Variants in ZBTB20 observed in about 807,000 individuals in gnomAD.
The protein encoded by ZBTB20 is zinc finger and BTB domain-containing protein 20.
In ZBTB20, 9 loss-of-function variants were observed where a neutral mutation model predicts 56.9. The ratio of observed to expected loss-of-function variants is 0.16; its 90% confidence interval spans 0.10 to 0.28. The LOEUF (loss-of-function observed/expected upper bound fraction) is 0.28, where lower values mean the gene tolerates loss of function less well. Ranked by LOEUF, ZBTB20 falls within the 10% of genes least tolerant of loss-of-function variation. The pLI is 1.00. For missense variants in ZBTB20, 655 were observed against 1,003.0 expected (o/e 0.65, Z 4.69); for synonymous variants, 417 against 420.7 (o/e 0.99, Z 0.11).
At chr3:114,554,005 A>G (rs1339843465) in intron 6 of ZBTB20, among the ~76,000 whole-genome samples, 1 of 152,192 alleles carries the variant, frequency 6.6e-6, no homozygotes, top group East Asian at 1.9e-4. Context: ...AAATTGTAAT[A>G]TCATATAGAC....
chr3:115,109,573 A>G (rs535646911), intron 1 of ZBTB20, among the ~76,000 whole-genome samples: 1 of 152,308 alleles, frequency 6.6e-6, no homozygotes, highest in Non-Finnish European at 1.5e-5. Flanking sequence ...AGGCCCAAAG[A>G]CACAGACCTA....
chr3:114,340,590 T>A (rs2079684588), intron 11 of ZBTB20, among the ~76,000 whole-genome samples: 1 of 152,192 alleles, frequency 6.6e-6, no homozygotes. Context: ...GTCCGTGACA[T>A]CTCTTTAAGA....
intron 6 of ZBTB20, among the ~76,000 whole-genome samples, chr3:114,506,116 A>C (rs1469590620): frequency 1.3e-5 from 2 of 152,148 alleles, no homozygotes; most frequent in Non-Finnish European, 2.9e-5. Context: ...TATAAATGCC[A>C]CAAATGGTCA....
intron 1 of ZBTB20, among the ~76,000 whole-genome samples, chr3:115,083,184 A>G (rs1253118377): frequency 1.3e-5 from 2 of 151,948 alleles, no homozygotes; most frequent in African/African-American, 4.8e-5. Context: ...TCATACATAT[A>G]CTCCATCAAT....
Position 114,569,615 on chromosome 3 carries a change from A to G in ZBTB20, c.-294-69224T>C, listed in dbSNP as rs192136860. On this transcript the variant is annotated intron_variant, in intron 6 of 11. Coordinates refer to ENST00000675478, the MANE Select transcript of ZBTB20 (RefSeq NM_001348800.3). ...ATGGCGGTCATTCCACACTGAGCCA[A>G]CCTAACTAAAGAGGTGTTGATGTCC... 2.2e-3 allele frequency among the ~76,000 whole-genome samples: 330 copies of G among 152,324 alleles called. 1 individual carries two copies. Among genetic ancestry groups the G allele is most frequent in the Non-Finnish European group, 3.8e-3 (259 of 68,028 alleles).
chr3:114,979,755 G>A (rs1386536295), intron 2 of ZBTB20, among the ~76,000 whole-genome samples: 1 of 151,998 alleles, frequency 6.6e-6, no homozygotes, highest in African/African-American at 2.4e-5. Context: ...TTCAAAGACT[G>A]GAAAAGCTTT....
chr3:114,903,324 T>G (rs1029066787), intron 3 of ZBTB20, among the ~76,000 whole-genome samples: 4 of 152,102 alleles, frequency 2.6e-5, no homozygotes, highest in Admixed American at 2.0e-4. Context: ...ACTAGCACAG[T>G]GCCAGCCATG....
chr3:114,892,814 G>A (rs747343196), intron 4 of ZBTB20, among the ~76,000 whole-genome samples: 1 of 152,178 alleles, frequency 6.6e-6, no homozygotes, highest in Admixed American at 6.5e-5. Flanking sequence ...ATGGACAACT[G>A]TCTCTGAGAT....
intron 4 of ZBTB20, among the ~76,000 whole-genome samples, chr3:114,883,043 A>G (rs1426950964): frequency 6.6e-6 from 1 of 152,210 alleles, no homozygotes; most frequent in Non-Finnish European, 1.5e-5. Flanking sequence ...CCTCATTTGT[A>G]AAATAATAAT....
chr3:114,372,319 A>G (rs2083113977), intron 10 of ZBTB20, among the ~76,000 whole-genome samples: 1 of 152,228 alleles, frequency 6.6e-6, no homozygotes, highest in Non-Finnish European at 1.5e-5. Flanking sequence ...CCTAACAATT[A>G]CATGTGGATA....
intron 4 of ZBTB20, among the ~76,000 whole-genome samples, chr3:114,869,096 G>A (rs976773179): frequency 2.6e-5 from 4 of 151,898 alleles, no homozygotes; most frequent in African/African-American, 9.7e-5. Context: ...AATCTCAAAT[G>A]ATCTCAACTT....
intron 6 of ZBTB20, among the ~76,000 whole-genome samples, chr3:114,561,264 G>A (rs2052012184): frequency 6.6e-6 from 1 of 152,140 alleles, no homozygotes; most frequent in African/African-American, 2.4e-5. Context: ...CCAAATGCCT[G>A]TTAATATTTA....
At chr3:115,053,654 T>A (rs1327858634) in intron 2 of ZBTB20, among the ~76,000 whole-genome samples, 2 of 152,312 alleles carry the variant, frequency 1.3e-5, no homozygotes, top group African/African-American at 4.8e-5. Context: ...CTGTATTTCA[T>A]CCCAACTTTC....
At chr3:114,870,840 T>A (rs2075977075) in intron 4 of ZBTB20, among the ~76,000 whole-genome samples, 1 of 152,058 alleles carries the variant, frequency 6.6e-6, no homozygotes. Flanking sequence ...CTTTTCTCCA[T>A]CCCTTCTATC....
chr3:114,419,437 C>T (rs1164014317), intron 7 of ZBTB20, among the ~76,000 whole-genome samples: 1 of 151,972 alleles, frequency 6.6e-6, no homozygotes, highest in Non-Finnish European at 1.5e-5. Context: ...AGTAATAGGG[C>T]AGGAAAATAA....
At chr3:115,098,013 G>A (rs1386693633) in intron 1 of ZBTB20, among the ~76,000 whole-genome samples, 1 of 152,066 alleles carries the variant, frequency 6.6e-6, no homozygotes, top group Non-Finnish European at 1.5e-5. Flanking sequence ...ACATAAAAAT[G>A]GCTACATTAT....
chr3:114,657,038 T>C (rs771021544), intron 6 of ZBTB20, among the ~76,000 whole-genome samples: 21 of 152,330 alleles, frequency 1.4e-4, no homozygotes, highest in Admixed American at 3.3e-4. Flanking sequence ...TCTATTTCCA[T>C]GGACTTTAAA....
chr3:115,135,614 T>C (rs1180609496), intron 1 of ZBTB20, among the ~76,000 whole-genome samples: 1 of 152,178 alleles, frequency 6.6e-6, no homozygotes, highest in African/African-American at 2.4e-5. Flanking sequence ...ATTATGACTT[T>C]AGCCAATCAA....
At chr3:114,803,356 C>T (rs1168431414) in intron 4 of ZBTB20, among the ~76,000 whole-genome samples, 2 of 151,758 alleles carry the variant, frequency 1.3e-5, no homozygotes, top group Admixed American at 6.6e-5. Context: ...CTACTCATCA[C>T]GAGGAGAACT....
Sources: gnomAD v4.1 joint callset for allele counts (sites outside exome capture counted in the v4.1 genomes callset) on GRCh38, gnomAD v4.1.1 for gene constraint, MANE v1.5 for transcripts, NCBI Gene and HGNC (gene_info 2026-07-23, HGNC 2026-07-21) for gene names.